TANGO6: variants seen among roughly 807,000 people sequenced by gnomAD.
The protein encoded by TANGO6 is transport and Golgi organization protein 6 homolog.
A neutral mutation model predicts 114.2 loss-of-function variants in TANGO6; 90 were observed. The observed-to-expected ratio is 0.79, with a 90% confidence interval of 0.66 to 0.94. The LOEUF is 0.94. Among genes scored for constraint, TANGO6 ranks in the 40% least tolerant of loss-of-function variants. TANGO6 has a pLI of 0.00. For synonymous variants in TANGO6, 477 were observed against 509.8 expected (o/e 0.94, Z 0.87); for missense variants, 1,274 against 1,315.3 (o/e 0.97, Z 0.49).
chr16:68,911,415 CTT>C (rs776375913), intron 11 of TANGO6, among the ~76,000 whole-genome samples: 22 of 133,580 alleles, frequency 1.6e-4, no homozygotes, highest in East Asian at 2.1e-4. Flanking sequence ...TTTATAGTTT[CTT>C]TTTTTTTTTT....
At chr16:68,946,538 T>C (rs1963416681) in intron 14 of TANGO6, among the ~76,000 whole-genome samples, 1 of 152,022 alleles carries the variant, frequency 6.6e-6, no homozygotes, top group Non-Finnish European at 1.5e-5. Flanking sequence ...CCCAAGTTGG[T>C]GTGTAGTGGT....
Position 68,921,550 on chromosome 16 carries a change from G to GT in TANGO6, c.2127+2340dup, listed in dbSNP as rs1026616749. On this transcript the variant is annotated intron_variant, in intron 12 of 17. Transcript: ENST00000261778. Reference sequence around the variant, plus strand: ...ATAGATTTTTGTTTTGTTTTGTTTTGTTTTTTTTTGGTTGAATATTGATTT... The same window carrying GT: ...ATAGATTTTTGTTTTGTTTTGTTTTGTTTTTTTTTTGGTTGAATATTGATTT... Among the ~76,000 whole-genome samples, 179 of 89,818 alleles carry GT rather than the reference G, an allele frequency of 2.0e-3. No homozygotes were observed. In the Middle Eastern group the frequency reaches 0.027, roughly 14 times the overall value. 58.9% of individuals were successfully genotyped at this position (89,818 alleles called of 152,430 possible). A position where few individuals can be genotyped will look rare whatever the true frequency, so the allele number is the denominator to read the frequency against.
At chr16:68,951,817 T>A (rs953448192) in intron 14 of TANGO6, among the ~76,000 whole-genome samples, 1 of 152,112 alleles carries the variant, frequency 6.6e-6, no homozygotes, top group Admixed American at 6.6e-5. Context: ...TTTCACCGTG[T>A]TAGCTAGGAT....
At chr16:68,980,657 C>G (rs903249382) in intron 15 of TANGO6, among the ~76,000 whole-genome samples, 1 of 151,474 alleles carries the variant, frequency 6.6e-6, no homozygotes, top group Non-Finnish European at 1.5e-5. Context: ...TAGGTGCGTG[C>G]CACCACACCC....
At chr16:68,964,987 A>T (rs1293531817) in intron 14 of TANGO6, among the ~76,000 whole-genome samples, 1 of 152,174 alleles carries the variant, frequency 6.6e-6, no homozygotes, top group African/African-American at 2.4e-5. Context: ...TGCTACAGTG[A>T]TGATTTTGTA....
intron 17 of TANGO6, among the ~76,000 whole-genome samples, chr16:69,078,216 C>T (rs1026098863): frequency 1.3e-5 from 2 of 152,208 alleles, no homozygotes; most frequent in Non-Finnish European, 2.9e-5. Flanking sequence ...GGAGCACAGG[C>T]GGCCAGAGGG....
intron 14 of TANGO6, chr16:68,933,813 T>A (rs1400053143): frequency 6.6e-6 from 1 of 152,224 alleles, no homozygotes; most frequent in Non-Finnish European, 1.5e-5. Context: ...CCAAGTCACA[T>A]AGCAAAGGGC....
At chr16:69,037,013 A>G (rs910163097) in intron 16 of TANGO6, among the ~76,000 whole-genome samples, 5 of 150,794 alleles carry the variant, frequency 3.3e-5, no homozygotes, top group Non-Finnish European at 5.9e-5. Context: ...GTGCATGCCT[A>G]TAGTCCCAGC....
chr16:69,070,323 A>G (rs200826916), intron 17 of TANGO6, among the ~76,000 whole-genome samples: 1 of 151,370 alleles, frequency 6.6e-6, no homozygotes, highest in South Asian at 2.1e-4. Context: ...TACAATGCTT[A>G]TATATATAGG....
At chr16:68,910,419 C>A (rs573094690) in intron 11 of TANGO6, among the ~76,000 whole-genome samples, 1 of 152,154 alleles carries the variant, frequency 6.6e-6, no homozygotes, top group Admixed American at 6.6e-5. Flanking sequence ...ACTTCTTCAT[C>A]CAGACCTTAT....
rs186052838 is a variant in TANGO6 at position 69,080,261 on chromosome 16, A to G, written c.3109-3224A>G. Among the ~76,000 whole-genome samples, 15 of 152,308 alleles carry G rather than the reference A, an allele frequency of 9.8e-5. No individual in the cohort carries two copies. The East Asian group carries it at 2.7e-3, about 27-fold the overall frequency. On this transcript the variant is annotated intron_variant, in intron 17 of 17. Coordinates refer to ENST00000261778, the MANE Select transcript of TANGO6 (RefSeq NM_024562.2). ...AAAAATATGGTACACAACAGAGCGT[A>G]GAATATAATTTTGTACTTTAAAAAG... is the stretch of plus-strand genomic sequence containing the variant.
chr16:68,860,516 G>A lies in TANGO6; in HGVS notation c.727G>A (p.Ala243Thr), dbSNP rs1379740315. 6.2e-7 allele frequency: 1 copy of A among 1,612,736 alleles called. No individual in the cohort carries two copies. ...AACCAAAAGAAAACTGCTAACACCT[G>A]CAGAAGAGGTAAATATACATTGAGA... ...CPTKRKLLTP[A>T]EEVLTEEERT... The change falls in exon 2 of 18, where the codon GCA (alanine) becomes ACA (threonine). Residue 243 changes from alanine to threonine, a missense_variant. Around this residue, in one of 5 missense-constraint regions of TANGO6, gnomAD observed 908 missense variants for 910.2 expected, o/e 1.00. Transcript: ENST00000261778.
chr16:69,039,077 C>T (rs1198959035), intron 16 of TANGO6, among the ~76,000 whole-genome samples: 2 of 151,814 alleles, frequency 1.3e-5, no homozygotes, highest in Admixed American at 6.6e-5. Context: ...CCCAGCTACT[C>T]GGGAGGTTGA....
intron 15 of TANGO6, among the ~76,000 whole-genome samples, chr16:68,981,151 G>A (rs1963832073): frequency 6.7e-6 from 1 of 149,834 alleles, no homozygotes; most frequent in African/African-American, 2.5e-5. Flanking sequence ...GTGGTCCAAT[G>A]TCAATGTTGA....
rs552193216 is a variant in TANGO6 at position 69,013,950 on chromosome 16, G to A, written c.2843-8878G>A. ...TAGGATTACAGACGTGAGCCACCGT[G>A]CCTGGCCCCCAAGTTCCTTAGTTTT... On this transcript the variant is annotated intron_variant, in intron 15 of 17. Coordinates refer to ENST00000261778, the MANE Select transcript of TANGO6 (RefSeq NM_024562.2). 2.0e-5 allele frequency among the ~76,000 whole-genome samples: 3 copies of A among 152,230 alleles called. No homozygotes were observed. The South Asian group carries it at 6.2e-4, about 32-fold the overall frequency.
chr16:68,980,407 C>CTATATATA (rs1317394786), intron 15 of TANGO6, among the ~76,000 whole-genome samples: 1 of 67,624 alleles, frequency 1.5e-5, no homozygotes, highest in African/African-American at 6.5e-5. Context: ...CTCTCTCTCT[C>CTATATATA]TCTATATATA....
chr16:68,959,581 C>T (rs1963569849), intron 14 of TANGO6, among the ~76,000 whole-genome samples: 1 of 151,772 alleles, frequency 6.6e-6, no homozygotes, highest in East Asian at 1.9e-4. Context: ...AGCAAGACTC[C>T]ATCTCAAAAT....
At chr16:69,057,533 C>G (rs72789209) in intron 17 of TANGO6, among the ~76,000 whole-genome samples, 13,317 of 152,130 alleles carry the variant, frequency 0.088, 658 homozygotes, top group South Asian at 0.18. Flanking sequence ...AAATGGCAGG[C>G]CAATAGATGA....
chr16:68,857,904 A>G (rs1436573940), intron 1 of TANGO6, among the ~76,000 whole-genome samples: 1 of 152,204 alleles, frequency 6.6e-6, no homozygotes, highest in South Asian at 2.1e-4. Flanking sequence ...TGATTTTATC[A>G]GGGTCAGGTT....
Sources: gnomAD v4.1 joint callset for allele counts (sites outside exome capture counted in the v4.1 genomes callset) on GRCh38, gnomAD v4.1.1 for gene constraint, gnomAD v4.1.1 regional missense constraint, MANE v1.5 for transcripts, NCBI Gene and HGNC (gene_info 2026-07-23, HGNC 2026-07-21) for gene names.